The following ELMOD1 variants were observed in gnomAD, a reference collection of about 807,000 sequenced individuals.
The protein encoded by ELMOD1 is ELMO domain-containing protein 1.
ELMOD1 carries 21 observed loss-of-function variants against 46.7 expected under a neutral mutation model. The observed-to-expected ratio is 0.45, with a 90% CI of 0.32 to 0.65. The LOEUF is 0.65. ELMOD1 is among the 30% of genes least tolerant of loss of function. The pLI, the probability that ELMOD1 is intolerant of heterozygous loss-of-function variation, is 0.04. For synonymous variants in ELMOD1, 122 were observed against 138.2 expected (o/e 0.88, Z 0.82); for missense variants, 348 against 407.8 (o/e 0.85, Z 1.26).
At chr11:107,657,199 T>A (rs996947705) in intron 11 of ELMOD1, among the ~76,000 whole-genome samples, 1 of 152,164 alleles carries the variant, frequency 6.6e-6, no homozygotes, top group Admixed American at 6.5e-5. Flanking sequence ...AAGATGACAT[T>A]GGACTTCTCA....
chr11:107,594,963 A>G (rs543991751), intron 1 of ELMOD1, among the ~76,000 whole-genome samples: 70 of 152,334 alleles, frequency 4.6e-4, no homozygotes, highest in Non-Finnish European at 1.0e-4. Flanking sequence ...CACCACATAC[A>G]TGTGTGTCTT....
At chr11:107,651,805 C>A (rs997520003) in intron 9 of ELMOD1, among the ~76,000 whole-genome samples, 6 of 152,270 alleles carry the variant, frequency 3.9e-5, no homozygotes, top group African/African-American at 7.2e-5. Flanking sequence ...TCAGAAGACA[C>A]GAGTCCTCCG....
intron 5 of ELMOD1, 69 bp from the exon 6 acceptor site, chr11:107,635,567 A>G (rs2135693997): frequency 6.6e-7 from 1 of 1,518,162 alleles, no homozygotes; most frequent in Non-Finnish European, 8.9e-7. Context: ...TGCATACATC[A>G]AGTGAACAAA....
At chr11:107,642,958 A>T in intron 6 of ELMOD1, 1 of 321,196 alleles carries the variant, frequency 3.1e-6, no homozygotes, top group Non-Finnish European at 6.2e-6. Flanking sequence ...TTATCCTTGG[A>T]CATCAAATTT....
chr11:107,597,260 T>G (rs1018344357), intron 1 of ELMOD1, among the ~76,000 whole-genome samples: 1 of 152,204 alleles, frequency 6.6e-6, no homozygotes, highest in African/African-American at 2.4e-5. Context: ...GATTATATTT[T>G]AAAAGGATGG....
At chr11:107,659,892 T>C (rs1866703823) in intron 11 of ELMOD1, among the ~76,000 whole-genome samples, 1 of 152,056 alleles carries the variant, frequency 6.6e-6, no homozygotes, top group Non-Finnish European at 1.5e-5. Context: ...TGAAACTCCA[T>C]CTCTACAAAA....
intron 1 of ELMOD1, among the ~76,000 whole-genome samples, chr11:107,616,290 C>G (rs1865862160): frequency 1.3e-5 from 2 of 151,860 alleles, no homozygotes; most frequent in Admixed American, 6.6e-5. Context: ...GCCACTGTGC[C>G]CAGCCCTACT....
chr11:107,624,748 G>T (rs1866012374), intron 2 of ELMOD1, among the ~76,000 whole-genome samples: 1 of 152,042 alleles, frequency 6.6e-6, no homozygotes, highest in Admixed American at 6.6e-5. Flanking sequence ...AAAGGAAAGG[G>T]TTACACTATT....
At chr11:107,626,402 A>C (rs916794557) in intron 2 of ELMOD1, among the ~76,000 whole-genome samples, 2 of 151,630 alleles carry the variant, frequency 1.3e-5, no homozygotes, top group Non-Finnish European at 2.9e-5. Context: ...AAGGACATAA[A>C]ACAAATGAAA....
At chr11:107,655,886 T>A in intron 10 of ELMOD1, 47 bp from the exon 11 acceptor site, 1 of 1,572,884 alleles carries the variant, frequency 6.4e-7, no homozygotes, top group Non-Finnish European at 8.6e-7. Flanking sequence ...GAAATACTTA[T>A]TTCTTCTATG....
intron 1 of ELMOD1, among the ~76,000 whole-genome samples, chr11:107,601,290 A>T (rs1865592957): frequency 6.6e-6 from 1 of 151,420 alleles, no homozygotes; most frequent in African/African-American, 2.4e-5. Flanking sequence ...TTTTGATTAA[A>T]TATTCAACAT....
chr11:107,614,208 T>A (rs752300945), intron 1 of ELMOD1, among the ~76,000 whole-genome samples: 29 of 152,344 alleles, frequency 1.9e-4, no homozygotes, highest in Non-Finnish European at 3.2e-4. Context: ...TGTCTGTCCA[T>A]TGCCTTATCC....
At position 107,591,188 on chromosome 11, in the gene ELMOD1, T is replaced by A. The variant is rs1326618187; in HGVS notation, c.-307T>A. On this transcript the variant is annotated 5_prime_UTR_variant, in exon 1 of 12. The change creates a new upstream start codon in the 5' untranslated region. Transcript: ENST00000265840. ...CCAGCCGCCCCGGGTGCATCCCGGC[T>A]TGCTCCGCTCCACGCGACCCAGATT... 6.5e-6 allele frequency: 1 copy of A among 152,694 alleles called. No individual in the cohort carries two copies. Among genetic ancestry groups the A allele is most frequent in the Non-Finnish European group, 1.5e-5 (1 of 68,686 alleles). The allele number at this position is 152,694 out of a possible 1,614,324, so 9.5% of individuals were successfully genotyped here.
Position 107,665,057 on chromosome 11 carries a change from A to G in ELMOD1, c.865A>G (p.Ile289Val), listed in dbSNP as rs1397156832. 6.2e-7 allele frequency: 1 copy of G among 1,613,472 alleles called. No individual in the cohort carries two copies. The highest frequency in any genetic ancestry group is 2.2e-5 in the East Asian group (1 of 44,868). The stretch of plus-strand genomic sequence containing the variant: ...GATGCATGAATTTCATAAGTTTTGG[A>G]TCGAAGAGGACCCCATGGACATAAT... ...YLMHEFHKFW[I>V]EEDPMDIMEF... Residue 289 changes from isoleucine to valine, a missense_variant, in exon 12 of 12, where the codon ATC (isoleucine) becomes GTC (valine). Ile to Val is a conservative substitution (Grantham distance 29). Transcript: ENST00000265840.
At chr11:107,622,820 A>T (rs1310860796) in intron 2 of ELMOD1, among the ~76,000 whole-genome samples, 1 of 152,188 alleles carries the variant, frequency 6.6e-6, no homozygotes, top group African/African-American at 2.4e-5. Flanking sequence ...TGGCCTGTGC[A>T]TCCAAATACC....
Position 107,602,228 on chromosome 11 carries a change from C to T in ELMOD1, c.-86+10819C>T, listed in dbSNP as rs369995771. ...AATGCTCCTGAAGACTTGATGCTTT[C>T]TATGTGAGCTGTTTTGTTTTTGTTC... On this transcript the variant is annotated intron_variant, in intron 1 of 11. Transcript: ENST00000265840. 3.9e-3 allele frequency among the ~76,000 whole-genome samples: 587 copies of T among 152,218 alleles called. 2 individuals carry two copies. The highest frequency in any genetic ancestry group is 0.014 in the African/African-American group (567 of 41,528).
In ELMOD1 at chr11:107,665,068, C is replaced by T; in HGVS notation, c.876C>T (p.Asp292=). ...HEFHKFWIEE[D]PMDIMEFNRV... ...TTCATAAGTTTTGGATCGAAGAGGA[C>T]CCCATGGACATAATGGAATTTAATC... Residue 292 remains aspartate, a synonymous_variant, in exon 12 of 12, where the codon GAC becomes GAT. Coordinates refer to ENST00000265840, the MANE Select transcript of ELMOD1 (RefSeq NM_018712.4). The T allele has an allele frequency of 6.2e-7, 1 of 1,613,688 alleles. No homozygotes were observed. The highest frequency in any genetic ancestry group is 8.5e-7 in the Non-Finnish European group (1 of 1,179,792).
intron 1 of ELMOD1, among the ~76,000 whole-genome samples, chr11:107,602,803 C>G (rs1188481885): frequency 6.6e-6 from 1 of 151,562 alleles, no homozygotes; most frequent in African/African-American, 2.4e-5. Context: ...TCTGATAACC[C>G]TTGGCTATCT....
intron 1 of ELMOD1, among the ~76,000 whole-genome samples, chr11:107,599,747 A>AG (rs1390217774): frequency 5.6e-5 from 8 of 142,842 alleles, no homozygotes; most frequent in African/African-American, 2.2e-4. Flanking sequence ...TCTCAAAAAA[A>AG]AAAAGAAAAA....
Sources: allele counts gnomAD v4.1 joint callset (sites outside exome capture counted in the v4.1 genomes callset), GRCh38; gene constraint gnomAD v4.1.1; transcripts MANE v1.5; gene names NCBI Gene and HGNC (gene_info 2026-07-23, HGNC 2026-07-21).